TACR3: variants seen among roughly 807,000 people sequenced by gnomAD.
TACR3 encodes tachykinin receptor 3.
A neutral mutation model predicts 35.0 loss-of-function variants in TACR3; 34 were observed. The observed-to-expected ratio is 0.97, with a 90% CI of 0.74 to 1.30. TACR3 has a LOEUF of 1.30. TACR3 is among the 50% of genes most tolerant of loss of function. TACR3 has a pLI of 0.00. For synonymous variants in TACR3, 233 were observed against 221.1 expected, an observed-to-expected ratio of 1.05 and a Z score of -0.48; for missense variants, 558 against 591.7, an observed-to-expected ratio of 0.94 and a Z score of 0.59.
chr4:103,642,856 C>G lies in TACR3; in HGVS notation c.888+13338G>C, dbSNP rs549882895. On this transcript the variant is annotated intron_variant, in intron 3 of 4. Coordinates refer to ENST00000304883, the MANE Select transcript of TACR3 (RefSeq NM_001059.3). Reference sequence around the variant, plus strand: ...ACATAAAGGTATAATAATTTTTGAGCTGATGGATATACTAATTACCCTAAT... The same window carrying G: ...ACATAAAGGTATAATAATTTTTGAGGTGATGGATATACTAATTACCCTAAT... 2.4e-4 allele frequency among the ~76,000 whole-genome samples: 37 copies of G among 151,766 alleles called. 1 individual carries two copies. In the South Asian group the frequency reaches 7.7e-3, roughly 31 times the overall value.
At chr4:103,686,976 A>ATTT (rs2110213913) in intron 1 of TACR3, among the ~76,000 whole-genome samples, 1 of 152,300 alleles carries the variant, frequency 6.6e-6, no homozygotes, top group South Asian at 2.1e-4. Flanking sequence ...TCCTTGATGA[A>ATTT]CACTGATGCA....
intron 1 of TACR3, among the ~76,000 whole-genome samples, chr4:103,716,654 T>C (rs1305633393): frequency 6.6e-6 from 1 of 151,766 alleles, no homozygotes; most frequent in Non-Finnish European, 1.5e-5. Flanking sequence ...GCTGCAACCA[T>C]TTTGCTACAG....
chr4:103,610,996 G>A (rs1724501230), intron 3 of TACR3, among the ~76,000 whole-genome samples: 2 of 152,016 alleles, frequency 1.3e-5, no homozygotes, highest in Admixed American at 6.6e-5. Flanking sequence ...CTGTTTTTAG[G>A]CTAGTATCAT....
intron 1 of TACR3, among the ~76,000 whole-genome samples, chr4:103,694,467 G>C (rs911324097): frequency 6.6e-6 from 1 of 152,096 alleles, no homozygotes; most frequent in Non-Finnish European, 1.5e-5. Flanking sequence ...TTTGTACCCA[G>C]CACAATTCCC....
At chr4:103,596,391 T>C (rs1724017342) in intron 3 of TACR3, among the ~76,000 whole-genome samples, 1 of 151,838 alleles carries the variant, frequency 6.6e-6, no homozygotes, top group Non-Finnish European at 1.5e-5. Context: ...TTCCTATTTC[T>C]CCACATCCTC....
intron 3 of TACR3, among the ~76,000 whole-genome samples, chr4:103,627,517 C>T (rs904127711): frequency 4.0e-5 from 6 of 151,528 alleles, no homozygotes; most frequent in Non-Finnish European, 8.8e-5. Flanking sequence ...GAGCAAGACT[C>T]GGTCAAAAAA....
At chr4:103,615,398 T>TGAGAGAGA (rs111766715) in intron 3 of TACR3, among the ~76,000 whole-genome samples, 52 of 117,230 alleles carry the variant, frequency 4.4e-4, no homozygotes, top group African/African-American at 6.6e-4. Context: ...TGTGTGTGTG[T>TGAGAGAGA]GAGAGAGAGA....
chr4:103,624,651 GA>G (rs1724852076), intron 3 of TACR3: 1 of 145,036 alleles, frequency 6.9e-6, no homozygotes, highest in Admixed American at 6.7e-5. Context: ...AATAGTATTA[GA>G]AAGAAATCTG....
In TACR3 at chr4:103,595,519, T is replaced by C. The variant is rs80219540; in HGVS notation, c.889-3836A>G. ...GAACTTTGGATACCATTCCTTCATGTATCAAAGGGGAAAGATCTTAGATTT... is the reference window on the plus strand; with the variant it reads ...GAACTTTGGATACCATTCCTTCATGCATCAAAGGGGAAAGATCTTAGATTT... On this transcript the variant is annotated intron_variant, in intron 3 of 4. Transcript: ENST00000304883. 5.1e-4 allele frequency among the ~76,000 whole-genome samples: 78 copies of C among 152,286 alleles called. 1 individual carries two copies. In the East Asian group the frequency reaches 0.014, roughly 27 times the overall value.
intron 3 of TACR3, among the ~76,000 whole-genome samples, chr4:103,652,151 A>ACTATG (rs1725634221): frequency 6.6e-6 from 1 of 152,080 alleles, no homozygotes; most frequent in African/African-American, 2.4e-5. Context: ...CCCGCACAGC[A>ACTATG]CTATGACTCA....
At chr4:103,718,683 G>A (rs1391711008) in intron 1 of TACR3, among the ~76,000 whole-genome samples, 1 of 152,154 alleles carries the variant, frequency 6.6e-6, no homozygotes, top group Non-Finnish European at 1.5e-5. Context: ...AGAGGGAAGG[G>A]TGGAGGGGCG....
rs541755164 is a variant in TACR3, at chr4:103,610,978, A to G, written c.889-19295T>C. Reference sequence around the variant, plus strand: ...GGGTTCTCTAATCTGTTCCATCGGTATATGTGTCTGTTTTTAGGCTAGTAT... The same window carrying G: ...GGGTTCTCTAATCTGTTCCATCGGTGTATGTGTCTGTTTTTAGGCTAGTAT... On this transcript the variant is annotated intron_variant, in intron 3 of 4. Coordinates refer to ENST00000304883, the MANE Select transcript of TACR3 (RefSeq NM_001059.3). Among the ~76,000 whole-genome samples the G allele has an allele frequency of 8.5e-5, 13 of 152,086 alleles. No homozygotes were observed. The East Asian group carries it at 2.1e-3, about 25-fold the overall frequency.
chr4:103,690,226 T>C (rs1039161930), intron 1 of TACR3, among the ~76,000 whole-genome samples: 2 of 152,042 alleles, frequency 1.3e-5, no homozygotes, highest in Non-Finnish European at 2.9e-5. Flanking sequence ...GTTCCTCAAA[T>C]CCACATGAAG....
At position 103,704,021 on chromosome 4, in the gene TACR3, G is replaced by T. The variant is rs7438803; in HGVS notation, c.548+15107C>A. ...CAGGAGGCTGAGGCAGGAGAATGGAGTGAACCCGGCAGGCGGAGCTTGCAG... is the reference window on the plus strand; with the variant it reads ...CAGGAGGCTGAGGCAGGAGAATGGATTGAACCCGGCAGGCGGAGCTTGCAG... On this transcript the variant is annotated intron_variant, in intron 1 of 4. Coordinates refer to ENST00000304883, the MANE Select transcript of TACR3 (RefSeq NM_001059.3). Among the ~76,000 whole-genome samples the T allele has an allele frequency of 4.5e-3, 634 of 141,464 alleles. 17 individuals carry two copies. The highest frequency in any genetic ancestry group is 0.043 in the Admixed American group (571 of 13,364). 92.8% of individuals were successfully genotyped at this position (141,464 alleles called of 152,430 possible).
chr4:103,706,779 A>G lies in TACR3; in HGVS notation c.548+12349T>C, dbSNP rs147791912. 6.0e-3 allele frequency among the ~76,000 whole-genome samples: 913 copies of G among 152,288 alleles called. 4 individuals carry two copies. The highest frequency in any genetic ancestry group is 9.3e-3 in the Non-Finnish European group (635 of 68,012). On this transcript the variant is annotated intron_variant, in intron 1 of 4. Transcript: ENST00000304883. The stretch of plus-strand genomic sequence containing the variant: ...TGGCTCTTACAATGAATAAGAAAAA[A>G]TATGTTTAAGTATAAGACTGGGAAG...
chr4:103,680,512 C>CATATATAT (rs397932964), intron 1 of TACR3, among the ~76,000 whole-genome samples: 4 of 146,044 alleles, frequency 2.7e-5, no homozygotes, highest in African/African-American at 1.0e-4. Flanking sequence ...CACACACACA[C>CATATATAT]ATATATATAT....
At position 103,620,328 on chromosome 4, in the gene TACR3, C is replaced by A. The variant is rs140874971; in HGVS notation, c.889-28645G>T. 1.8e-4 allele frequency among the ~76,000 whole-genome samples: 28 copies of A among 152,290 alleles called. No homozygotes were observed. The East Asian group carries it at 5.0e-3, about 27-fold the overall frequency. On this transcript the variant is annotated intron_variant, in intron 3 of 4. Transcript: ENST00000304883. ...TGGTAGGAACATAAATTAGCATGAC[C>A]GCTATGGAAATCAGTCCAGAGATTT...
intron 1 of TACR3, among the ~76,000 whole-genome samples, chr4:103,714,103 T>G (rs533800525): frequency 3.3e-5 from 5 of 152,298 alleles, no homozygotes; most frequent in East Asian, 3.9e-4. Context: ...TTCTTTTTTT[T>G]GGATTTTGTT....
At chr4:103,645,367 G>A (rs1725435699) in intron 3 of TACR3, among the ~76,000 whole-genome samples, 1 of 151,900 alleles carries the variant, frequency 6.6e-6, no homozygotes, top group Non-Finnish European at 1.5e-5. Flanking sequence ...CCAAGAGTAA[G>A]AGATTTAGTT....
Sources: gnomAD v4.1 joint callset for allele counts (sites outside exome capture counted in the v4.1 genomes callset) on GRCh38, gnomAD v4.1.1 for gene constraint, MANE v1.5 for transcripts, NCBI Gene and HGNC (gene_info 2026-07-23, HGNC 2026-07-21) for gene names.